RAPGEFL1: variants seen among roughly 807,000 people sequenced by gnomAD.
The protein encoded by RAPGEFL1 is rap guanine nucleotide exchange factor-like 1.
RAPGEFL1 carries 31 observed loss-of-function variants against 64.4 expected under a neutral mutation model. The ratio of observed to expected loss-of-function variants is 0.48; its 90% CI spans 0.36 to 0.65. The LOEUF is 0.65. RAPGEFL1 is among the 30% of genes least tolerant of loss of function. RAPGEFL1 has a pLI of 0.00. For missense variants in RAPGEFL1, 682 were observed against 677.4 expected, an observed-to-expected ratio of 1.01 and a Z score of -0.08; for synonymous variants, 331 against 274.1, an observed-to-expected ratio of 1.21 and a Z score of -2.05.
chr17:40,189,512 G>C, intron 6 of RAPGEFL1, 137 bp downstream of exon 6: 1 of 986,532 alleles, frequency 1.0e-6, no homozygotes, highest in South Asian at 1.6e-5. Context: ...CATGTGCATC[G>C]CCTGGGAACT....
chr17:40,179,961 A>T (rs1367951696), intron 1 of RAPGEFL1, among the ~76,000 whole-genome samples: 2 of 152,166 alleles, frequency 1.3e-5, no homozygotes. Flanking sequence ...TCCCGCCTAC[A>T]CCACACACCC....
chr17:40,189,954 C>CA (rs34471525), intron 6 of RAPGEFL1, among the ~76,000 whole-genome samples: 164 of 142,758 alleles, frequency 1.1e-3, no homozygotes, highest in Middle Eastern at 0.011. Flanking sequence ...AACTCCGTCT[C>CA]AAAAAAAAAA....
chr17:40,189,070 G>A (rs568477502), intron 5 of RAPGEFL1, 92 bp downstream of exon 5: 1 of 1,474,712 alleles, frequency 6.8e-7, no homozygotes, highest in Admixed American at 1.7e-5. Context: ...CATCTCCCTG[G>A]GTGGTAGAAC....
chr17:40,186,288 G>A (rs1206706026), intron 4 of RAPGEFL1, among the ~76,000 whole-genome samples: 10 of 148,328 alleles, frequency 6.7e-5, no homozygotes, highest in African/African-American at 2.5e-4. Context: ...AAAAAAAAAG[G>A]CCGGGCGCGG....
chr17:40,189,314 T>C lies in RAPGEFL1; in HGVS notation c.1053T>C (p.Tyr351=), dbSNP rs902713438. The change falls in exon 6 of 15, where the codon TAT becomes TAC. Residue 351 remains tyrosine, a synonymous_variant. Coordinates refer to ENST00000620260, the MANE Select transcript of RAPGEFL1 (RefSeq NM_016339.6). ...ILGSVTEKLQ[Y]SEEPAGREDS... ...GCTCTGTGACGGAGAAACTTCAATA[T>C]TCAGAGGAGCCCGCGGGGCGTGAGG... 8.7e-6 allele frequency: 14 copies of C among 1,614,186 alleles called. No individual in the cohort carries two copies. Among genetic ancestry groups the C allele is most frequent in the Non-Finnish European group, 1.2e-5 (14 of 1,180,030 alleles).
intron 4 of RAPGEFL1, 79 bp from the exon 5 acceptor site, chr17:40,188,787 T>C: frequency 2.7e-6 from 3 of 1,130,712 alleles, no homozygotes; most frequent in Non-Finnish European, 4.0e-6. Context: ...TCTGATATTC[T>C]TGCTTGATGT....
chr17:40,183,518 CTTTTTT>C (rs760848897), intron 2 of RAPGEFL1, among the ~76,000 whole-genome samples: 1 of 130,166 alleles, frequency 7.7e-6, no homozygotes, highest in African/African-American at 2.8e-5. Flanking sequence ...CTTTTCTTTT[CTTTTTT>C]TTTTTTTTTT....
At chr17:40,185,219 A>G (rs567391193) in intron 4 of RAPGEFL1, among the ~76,000 whole-genome samples, 3 of 152,322 alleles carry the variant, frequency 2.0e-5, no homozygotes, top group Admixed American at 2.0e-4. Flanking sequence ...CCAGTGCTGC[A>G]GGAGAAAGAG....
At chr17:40,186,268 G>T (rs1273829337) in intron 4 of RAPGEFL1, among the ~76,000 whole-genome samples, 1 of 119,072 alleles carries the variant, frequency 8.4e-6, no homozygotes, top group Non-Finnish European at 1.7e-5. Context: ...AGTGGACTCC[G>T]TCTCAAAAAA....
intron 1 of RAPGEFL1, among the ~76,000 whole-genome samples, chr17:40,179,920 T>G (rs1243656713): frequency 6.6e-6 from 1 of 152,146 alleles, no homozygotes; most frequent in Non-Finnish European, 1.5e-5. Context: ...TAGAAAAATA[T>G]CAGACACACA....
In RAPGEFL1 at chr17:40,178,323, T is replaced by A; in HGVS notation, c.462T>A (p.Leu154=). ...PLGAPERPEH[L]LNRVLERLAG... is the part of the protein sequence containing the mutation. ...GCGCCCCCGAGCGGCCCGAGCATCT[T>A]CTGAACCGGGTTCTGGAGCGGCTTG... Residue 154 remains leucine (L), a synonymous_variant, in exon 1 of 15, where the codon CTT becomes CTA. Coordinates refer to ENST00000620260, the MANE Select transcript of RAPGEFL1 (RefSeq NM_016339.6). 1.7e-6 allele frequency: 1 copy of A among 598,842 alleles called. No homozygotes were observed. The highest frequency in any genetic ancestry group is 3.0e-6 in the Non-Finnish European group (1 of 332,536). The allele number at this position is 598,842 out of a possible 1,614,324, so 37.1% of individuals were successfully genotyped here. A position where few individuals can be genotyped will look rare whatever the true frequency, so the allele number is the denominator to read the frequency against.
At chr17:40,181,211 C>A in intron 1 of RAPGEFL1, 1 of 426,660 alleles carries the variant, frequency 2.3e-6, no homozygotes, top group Non-Finnish European at 4.8e-6. Context: ...CACACACATG[C>A]ACACACACAG....
intron 13 of RAPGEFL1, 70 bp downstream of exon 13, chr17:40,193,060 C>T: frequency 1.4e-6 from 2 of 1,400,390 alleles, no homozygotes; most frequent in Non-Finnish European, 2.0e-6. Flanking sequence ...TCTCTCATCA[C>T]CTCCCAAAAA....
intron 6 of RAPGEFL1, among the ~76,000 whole-genome samples, 161 bp downstream of exon 6, chr17:40,189,536 C>T (rs1417518800): frequency 6.6e-6 from 1 of 152,192 alleles, no homozygotes; most frequent in Non-Finnish European, 1.5e-5. Context: ...TAGGATGCAG[C>T]ATCTTGCTGG....
rs995207992 is a variant in RAPGEFL1 at position 40,177,800 on chromosome 17, C to G, written c.-62C>G. On this transcript the variant is annotated 5_prime_UTR_variant, in exon 1 of 15. Coordinates refer to ENST00000620260, the MANE Select transcript of RAPGEFL1 (RefSeq NM_016339.6). ...TGAGCATCGTGTCTTCGCCGCCCCCCCCGCCCGCGCCTGGGATACCTGGGT... is the reference window on the plus strand; with the variant it reads ...TGAGCATCGTGTCTTCGCCGCCCCCGCCGCCCGCGCCTGGGATACCTGGGT... 9.7e-6 allele frequency: 4 copies of G among 410,522 alleles called. No individual in the cohort carries two copies. The highest frequency in any genetic ancestry group is 6.2e-5 in the African/African-American group (3 of 48,596). The allele number at this position is 410,522 out of a possible 1,614,324, so 25.4% of individuals were successfully genotyped here. A position where few individuals can be genotyped will look rare whatever the true frequency, so the allele number is the denominator to read the frequency against.
At chr17:40,180,912 C>T (rs1275786872) in intron 1 of RAPGEFL1, among the ~76,000 whole-genome samples, 1 of 152,210 alleles carries the variant, frequency 6.6e-6, no homozygotes, top group Middle Eastern at 3.2e-3. Flanking sequence ...CCTGCCCCAC[C>T]CCAGGGCTGG....
chr17:40,193,732 G>A lies in RAPGEFL1; in HGVS notation c.1933G>A (p.Asp645Asn), dbSNP rs527776132. 62 of 1,614,020 alleles carry A rather than the reference G, an allele frequency of 3.8e-5. No homozygotes were observed. In the South Asian group the frequency reaches 5.9e-4, roughly 15 times the overall value. The change falls in exon 15 of 15, where the codon GAC (aspartate) becomes AAC (asparagine). Residue 645 changes from aspartate to asparagine, a missense_variant. By Grantham distance (23) the Asp-to-Asn change is conservative (BLOSUM62 1). Coordinates refer to ENST00000620260, the MANE Select transcript of RAPGEFL1 (RefSeq NM_016339.6). ...KAYVRQFQVI[D>N]NQNLLFELSY... ...CTATGTGCGCCAGTTTCAGGTCATC[G>A]ACAACCAGAACCTCCTCTTCGAGCT...
At chr17:40,183,147 CAAATAAAT>C (rs527640170) in intron 2 of RAPGEFL1, among the ~76,000 whole-genome samples, 20 of 151,738 alleles carry the variant, frequency 1.3e-4, no homozygotes, top group Admixed American at 3.3e-4. Context: ...GACTCCCTCT[CAAATAAAT>C]AAATAAATAA....
rs902189989 is a variant in RAPGEFL1 at position 40,195,639 on chromosome 17, T to G, written c.*1851T>G. 21 of 152,700 alleles carry G rather than the reference T, an allele frequency of 1.4e-4. No individual in the cohort carries two copies. The highest frequency in any genetic ancestry group is 5.1e-4 in the African/African-American group (21 of 41,420). The allele number at this position is 152,700 out of a possible 1,614,324, so 9.5% of individuals were successfully genotyped here. ...CTGGGTGGAGAAGAAGCCGATAAAG[T>G]CTATGAATCAACCTGCCTGTTGTTC... is the stretch of plus-strand genomic sequence containing the variant. On this transcript the variant is annotated 3_prime_UTR_variant, in exon 15 of 15. Transcript: ENST00000620260.
Sources: allele counts gnomAD v4.1 joint callset (sites outside exome capture counted in the v4.1 genomes callset), GRCh38; gene constraint gnomAD v4.1.1; transcripts MANE v1.5; gene names NCBI Gene and HGNC (gene_info 2026-07-23, HGNC 2026-07-21).